The following TNFAIP8 variants were observed in gnomAD, a reference collection of about 807,000 sequenced individuals.
TNFAIP8 encodes the protein TNF alpha induced protein 8, also known as tumor necrosis factor alpha-induced protein 8.
A neutral mutation model predicts 13.3 loss-of-function variants in TNFAIP8; 7 were observed. The observed-to-expected ratio is 0.52, with a 90% CI of 0.30 to 0.99. TNFAIP8 has a LOEUF of 0.99. Among genes scored for constraint, TNFAIP8 ranks in the 50% least tolerant of loss-of-function variants. The pLI, the probability that TNFAIP8 is intolerant of heterozygous loss-of-function variation, is 0.07. For missense variants in TNFAIP8, 258 were observed against 236.9 expected (o/e 1.09, Z -0.58); for synonymous variants, 94 against 87.6 (o/e 1.07, Z -0.41).
chr5:119,277,682 G>A (rs115163761), intron 1 of TNFAIP8, among the ~76,000 whole-genome samples: 1 of 152,184 alleles, frequency 6.6e-6, no homozygotes, highest in African/African-American at 2.4e-5. Context: ...TTCTTAGTCT[G>A]TTTGTACTGC....
At chr5:119,272,703 AGTT>A (rs1748325737) in intron 1 of TNFAIP8, among the ~76,000 whole-genome samples, 2 of 152,200 alleles carry the variant, frequency 1.3e-5, no homozygotes, top group Non-Finnish European at 2.9e-5. Context: ...TTTAGACAGC[AGTT>A]GTTTTTTCTC....
At position 119,394,041 on chromosome 5, in the gene TNFAIP8, T is replaced by A. The variant is rs187325004; in HGVS notation, c.*660T>A. On this transcript the variant is annotated 3_prime_UTR_variant, in exon 2 of 2. Transcript: ENST00000504771. ...ATTGAGTTCTCCTTTTAAGTACCAA[T>A]GATACTTAAATTTCTCAGAAATGTA... The A allele has an allele frequency of 6.6e-6, 1 of 152,340 alleles. No individual in the cohort carries two copies. The highest frequency in any genetic ancestry group is 2.4e-5 in the African/African-American group (1 of 41,570). The allele number at this position is 152,340 out of a possible 1,614,324, so 9.4% of individuals were successfully genotyped here. A position where few individuals can be genotyped will look rare whatever the true frequency, so the allele number is the denominator to read the frequency against.
At chr5:119,283,277 AC>A (rs1429014094) in intron 1 of TNFAIP8, among the ~76,000 whole-genome samples, 7 of 152,324 alleles carry the variant, frequency 4.6e-5, no homozygotes, top group Admixed American at 1.3e-4. Flanking sequence ...TAGGAAAAAA[AC>A]AATCTTATGA....
intron 1 of TNFAIP8, among the ~76,000 whole-genome samples, chr5:119,298,753 A>C (rs6876255): frequency 6.6e-6 from 1 of 151,788 alleles, no homozygotes; most frequent in Non-Finnish European, 1.5e-5. Context: ...CCAATCTGAC[A>C]TAGATTTGGT....
intron 1 of TNFAIP8, among the ~76,000 whole-genome samples, chr5:119,287,030 A>G (rs752788036): frequency 6.6e-6 from 1 of 151,976 alleles, no homozygotes; most frequent in Non-Finnish European, 1.5e-5. Flanking sequence ...GCCTGGTTGT[A>G]TTGCCCCTTT....
chr5:119,369,069 T>A (rs188292257), intron 1 of TNFAIP8, among the ~76,000 whole-genome samples: 21 of 151,428 alleles, frequency 1.4e-4, no homozygotes, highest in Non-Finnish European at 7.4e-5. Context: ...TTTTTTTTTT[T>A]TTGAGAGGGA....
intron 1 of TNFAIP8, among the ~76,000 whole-genome samples, chr5:119,314,424 T>C (rs140426806): frequency 6.6e-6 from 1 of 152,332 alleles, no homozygotes; most frequent in Non-Finnish European, 1.5e-5. Flanking sequence ...CATATACACA[T>C]GCACACACAC....
rs1167184090 is a variant in TNFAIP8, at chr5:119,397,284, AC to A, written c.*3904del. 1 of 152,204 alleles carries A rather than the reference AC, an allele frequency of 6.6e-6. No homozygotes were observed. Among genetic ancestry groups the A allele is most frequent in the Non-Finnish European group, 1.5e-5 (1 of 68,040 alleles). 9.4% of individuals were successfully genotyped at this position (152,204 alleles called of 1,614,324 possible). A position where few individuals can be genotyped will look rare whatever the true frequency, so the allele number is the denominator to read the frequency against. On this transcript the variant is annotated 3_prime_UTR_variant, in exon 2 of 2. Coordinates refer to ENST00000504771, the MANE Select transcript of TNFAIP8 (RefSeq NM_014350.4). ...TATATAAGCAGTTGCAATTTAGCATACAAAACCTGACAAATGGTAAATAAAA... is the reference window on the plus strand; with the variant it reads ...TATATAAGCAGTTGCAATTTAGCATAAAAACCTGACAAATGGTAAATAAAA...
intron 1 of TNFAIP8, among the ~76,000 whole-genome samples, chr5:119,280,504 A>G (rs1231181786): frequency 6.6e-6 from 1 of 152,064 alleles, no homozygotes; most frequent in Admixed American, 6.5e-5. Flanking sequence ...AGTTTAACTT[A>G]CTGCTTTTCC....
chr5:119,390,330 A>G (rs535503900), intron 1 of TNFAIP8, among the ~76,000 whole-genome samples: 58 of 152,252 alleles, frequency 3.8e-4, no homozygotes, highest in African/African-American at 1.3e-3. Flanking sequence ...TTTGAGGTCT[A>G]TATCAGGAGT....
At chr5:119,359,100 TC>T (rs1402338564) in intron 1 of TNFAIP8, among the ~76,000 whole-genome samples, 1 of 152,122 alleles carries the variant, frequency 6.6e-6, no homozygotes, top group Non-Finnish European at 1.5e-5. Flanking sequence ...ACATCTATCC[TC>T]CCTGTGTCTG....
At chr5:119,287,280 GTTTT>G (rs58452491) in intron 1 of TNFAIP8, among the ~76,000 whole-genome samples, 1,312 of 109,278 alleles carry the variant, frequency 0.012, 13 homozygotes, top group African/African-American at 0.042. Flanking sequence ...CAGTAACCAA[GTTTT>G]TTTTTTTTTT....
At chr5:119,271,480 T>C (rs1748290286) in intron 1 of TNFAIP8, among the ~76,000 whole-genome samples, 1 of 152,240 alleles carries the variant, frequency 6.6e-6, no homozygotes, top group South Asian at 2.1e-4. Flanking sequence ...TCATGTAGAA[T>C]GGTCCATTCC....
intron 1 of TNFAIP8, among the ~76,000 whole-genome samples, chr5:119,375,092 C>T (rs567645678): frequency 6.6e-6 from 1 of 152,060 alleles, no homozygotes; most frequent in Admixed American, 6.5e-5. Flanking sequence ...CTATGAGGGC[C>T]CAGCCAAAAC....
rs1753043811 is a variant in TNFAIP8, at chr5:119,395,142, GA to G, written c.*1763del. On this transcript the variant is annotated 3_prime_UTR_variant, in exon 2 of 2. Coordinates refer to ENST00000504771, the MANE Select transcript of TNFAIP8 (RefSeq NM_014350.4). ...ATATTAAATCCTGACACTAAGATTT[GA>G]ACTGAAAGTATCATTCTCACTTCCT... The G allele has an allele frequency of 6.6e-6, 1 of 152,148 alleles. No homozygotes were observed. Among genetic ancestry groups the G allele is most frequent in the African/African-American group, 2.4e-5 (1 of 41,420 alleles). 9.4% of individuals were successfully genotyped at this position (152,148 alleles called of 1,614,324 possible).
rs10714712 is a variant in TNFAIP8, at chr5:119,364,841, G to GTTTTTTT, written c.31+8742_31+8748dup. 2.1e-4 allele frequency among the ~76,000 whole-genome samples: 19 copies of GTTTTTTT among 88,708 alleles called. 1 individual carries two copies. Among genetic ancestry groups the GTTTTTTT allele is most frequent in the African/African-American group, 3.7e-4 (8 of 21,494 alleles). The allele number at this position is 88,708 out of a possible 152,430, so 58.2% of individuals were successfully genotyped here. A position where few individuals can be genotyped will look rare whatever the true frequency, so the allele number is the denominator to read the frequency against. On this transcript the variant is annotated intron_variant, in intron 1 of 1. Coordinates refer to ENST00000504771, the MANE Select transcript of TNFAIP8 (RefSeq NM_014350.4). ...GGTTTTTTCCCCTTTTTTCTTTTCA[G>GTTTTTTT]TTTTTTTTTTTTTTTTTTTTTTTTT...
At chr5:119,384,346 G>A (rs745512265) in intron 1 of TNFAIP8, among the ~76,000 whole-genome samples, 18 of 152,238 alleles carry the variant, frequency 1.2e-4, no homozygotes, top group Admixed American at 2.0e-4. Context: ...TTAGCTGGGC[G>A]TGGTGGCATG....
intron 1 of TNFAIP8, among the ~76,000 whole-genome samples, chr5:119,327,397 C>T (rs1750255219): frequency 6.6e-6 from 1 of 152,174 alleles, no homozygotes; most frequent in South Asian, 2.1e-4. Flanking sequence ...AAGGAAAATA[C>T]TCAAGACGTT....
chr5:119,334,944 G>C (rs1320313497), intron 1 of TNFAIP8, among the ~76,000 whole-genome samples: 2 of 152,108 alleles, frequency 1.3e-5, no homozygotes, highest in Non-Finnish European at 2.9e-5. Flanking sequence ...AGCTTCCAAG[G>C]CTGGAGTGAT....
Sources: allele counts gnomAD v4.1 joint callset (sites outside exome capture counted in the v4.1 genomes callset), GRCh38; gene constraint gnomAD v4.1.1; transcripts MANE v1.5; gene names NCBI Gene and HGNC (gene_info 2026-07-23, HGNC 2026-07-21).